The following RGL1 variants were observed in gnomAD, a reference collection of about 807,000 sequenced individuals.
RGL1 encodes ral guanine nucleotide dissociation stimulator like 1.
In RGL1, 24 loss-of-function variants were observed where a neutral mutation model predicts 95.2. The ratio of observed to expected loss-of-function variants is 0.25; its 90% CI spans 0.18 to 0.35. RGL1 has a LOEUF of 0.35. RGL1 is among the 10% of genes least tolerant of loss of function. RGL1 has a pLI of 1.00. For missense variants in RGL1, 715 were observed against 936.3 expected (o/e 0.76, Z 3.08); for synonymous variants, 329 against 344.9 (o/e 0.95, Z 0.51).
intron 4 of RGL1, among the ~76,000 whole-genome samples, chr1:183,879,950 C>T (rs554266414): frequency 6.6e-6 from 1 of 152,244 alleles, no homozygotes; most frequent in South Asian, 2.1e-4. Flanking sequence ...CCCACAGAGC[C>T]ATCAGAAGAA....
chr1:183,844,445 T>G (rs1664280924), intron 2 of RGL1, among the ~76,000 whole-genome samples: 1 of 152,220 alleles, frequency 6.6e-6, no homozygotes, highest in Non-Finnish European at 1.5e-5. Flanking sequence ...GAAATCCATC[T>G]GGAAATGCTG....
In RGL1 at chr1:183,926,373, G is replaced by A. The variant is rs762496364; in HGVS notation, c.*81G>A. On this transcript the variant is annotated 3_prime_UTR_variant, in exon 18 of 18. Coordinates refer to ENST00000360851, the MANE Select transcript of RGL1 (RefSeq NM_001297671.3). ...GCTGCGGTGATTGCAATTACCATCC[G>A]GTGTTCGAGGATCATTGGTGAAGTC... is the stretch of plus-strand genomic sequence containing the variant. The A allele has an allele frequency of 3.1e-5, 37 of 1,196,176 alleles. No individual in the cohort carries two copies. The South Asian group carries it at 3.5e-4, about 11-fold the overall frequency. The allele number at this position is 1,196,176 out of a possible 1,614,324, so 74.1% of individuals were successfully genotyped here. A position where few individuals can be genotyped will look rare whatever the true frequency, so the allele number is the denominator to read the frequency against.
intron 2 of RGL1, among the ~76,000 whole-genome samples, chr1:183,751,720 A>G (rs764794978): frequency 1.4e-4 from 21 of 152,070 alleles, no homozygotes; most frequent in Non-Finnish European, 2.9e-4. Context: ...GGTTGCAAAA[A>G]CTGTGGGAAA....
intron 1 of RGL1, among the ~76,000 whole-genome samples, chr1:183,651,830 G>A (rs1010908679): frequency 2.0e-5 from 3 of 152,146 alleles, no homozygotes; most frequent in South Asian, 2.1e-4. Flanking sequence ...GGAACCTGAC[G>A]CCATTTCCTG....
At chr1:183,800,190 AT>A (rs1660914598), upstream of RGL1, among the ~76,000 whole-genome samples, 1 of 152,198 alleles carries the variant, frequency 6.6e-6, no homozygotes, top group African/African-American at 2.4e-5. Context: ...ATATTTTTTA[AT>A]TCTTCTTGCA....
rs771591245 is a variant in RGL1, at chr1:183,883,880, C to T, written c.705C>T (p.Leu235=). Residue 235 remains leucine (L), a synonymous_variant, in exon 6 of 18, where the codon CTC becomes CTT. Coordinates refer to ENST00000360851, the MANE Select transcript of RGL1 (RefSeq NM_001297671.3). ...SAEFTCFSED[L]VAEQLTYMDA... Reference sequence around the variant, plus strand: ...AATTCACGTGCTTCTCAGAAGATCTCGTGGCAGAGCAGCTGACCTACATGG... The same window carrying T: ...AATTCACGTGCTTCTCAGAAGATCTTGTGGCAGAGCAGCTGACCTACATGG... 1.1e-4 allele frequency: 178 copies of T among 1,614,014 alleles called. 10 individuals carry two copies. In the South Asian group the frequency reaches 1.8e-3, roughly 16 times the overall value.
intron 2 of RGL1, among the ~76,000 whole-genome samples, chr1:183,749,496 G>A (rs1012423615): frequency 1.3e-5 from 2 of 152,174 alleles, no homozygotes; most frequent in Admixed American, 6.5e-5. Context: ...CACACCTATA[G>A]GTCCTGACTC....
intron 2 of RGL1, among the ~76,000 whole-genome samples, chr1:183,777,296 G>A (rs192827236): frequency 1.7e-4 from 26 of 152,218 alleles, no homozygotes; most frequent in African/African-American, 5.1e-4. Flanking sequence ...TTTGTGTCCC[G>A]GATCTTGAGG....
chr1:183,887,495 T>C (rs560652072), intron 7 of RGL1, among the ~76,000 whole-genome samples: 45 of 152,250 alleles, frequency 3.0e-4, no homozygotes, highest in Non-Finnish European at 5.1e-4. Flanking sequence ...CAAAACCAAA[T>C]ACGTGCTCAC....
At chr1:183,758,675 T>C (rs961994632) in intron 2 of RGL1, among the ~76,000 whole-genome samples, 6 of 151,924 alleles carry the variant, frequency 3.9e-5, no homozygotes, top group Non-Finnish European at 5.9e-5. Context: ...AGGGCATGAA[T>C]CCCATTCATG....
intron 11 of RGL1, among the ~76,000 whole-genome samples, chr1:183,901,360 G>T (rs1290116884): frequency 6.6e-6 from 1 of 152,010 alleles, no homozygotes; most frequent in Non-Finnish European, 1.5e-5. Flanking sequence ...GGTGGCAGGT[G>T]CCTATAATCC....
intron 1 of RGL1, among the ~76,000 whole-genome samples, chr1:183,732,291 C>T (rs1656673401): frequency 6.6e-6 from 1 of 152,028 alleles, no homozygotes. Flanking sequence ...ATGGAAAGTC[C>T]TGTAAAAGTT....
intron 17 of RGL1, among the ~76,000 whole-genome samples, chr1:183,923,651 T>C (rs7519678): frequency 0.26 from 39,374 of 151,872 alleles, 5,426 homozygotes; most frequent in Non-Finnish European, 0.3. Context: ...AATACCCTGC[T>C]GGTTCCTCAT....
chr1:183,894,307 A>G (rs1424525333), intron 9 of RGL1, among the ~76,000 whole-genome samples: 1 of 152,234 alleles, frequency 6.6e-6, no homozygotes, highest in Non-Finnish European at 1.5e-5. Flanking sequence ...CTGTATCTAG[A>G]CATTAAAGAT....
intron 12 of RGL1, among the ~76,000 whole-genome samples, chr1:183,903,822 T>C (rs959629213): frequency 2.0e-5 from 3 of 152,210 alleles, no homozygotes; most frequent in Non-Finnish European, 4.4e-5. Flanking sequence ...GCTGGGCTTA[T>C]CAGAACAAGA....
chr1:183,815,311 T>C (rs182016242), intron 2 of RGL1, among the ~76,000 whole-genome samples: 151 of 152,224 alleles, frequency 9.9e-4, no homozygotes, highest in Admixed American at 2.5e-3. Context: ...CTTGAAATTG[T>C]TTATTGAGAT....
intron 1 of RGL1, chr1:183,710,236 C>T (rs1159001210): frequency 1.1e-5 from 2 of 176,078 alleles, no homozygotes; most frequent in Admixed American, 5.8e-5. Context: ...GCTGTGGGAG[C>T]TCATTCTCCT....
intron 3 of RGL1, among the ~76,000 whole-genome samples, chr1:183,848,348 T>C (rs1664588222): frequency 6.6e-6 from 1 of 152,250 alleles, no homozygotes; most frequent in African/African-American, 2.4e-5. Flanking sequence ...TTACACACTG[T>C]TAAACTTTAG....
chr1:183,707,572 G>A (rs1654998576), intron 1 of RGL1, among the ~76,000 whole-genome samples: 1 of 151,900 alleles, frequency 6.6e-6, no homozygotes, highest in South Asian at 2.2e-4. Context: ...GGGTTTGAAT[G>A]GGGAAAGGGG....
Sources: gnomAD v4.1 joint callset for allele counts (sites outside exome capture counted in the v4.1 genomes callset) on GRCh38, gnomAD v4.1.1 for gene constraint, MANE v1.5 for transcripts, NCBI Gene and HGNC (gene_info 2026-07-23, HGNC 2026-07-21) for gene names.